The following MACF1 variants were observed in gnomAD, a reference collection of about 807,000 sequenced individuals.
MACF1 encodes microtubule actin crosslinking factor 1, also known as microtubule-actin cross-linking factor 1.
Under a neutral mutation model 854.8 loss-of-function variants are expected in MACF1, and 193 were observed. The ratio of observed to expected loss-of-function variants is 0.23; its 90% CI spans 0.20 to 0.25. MACF1 has a LOEUF of 0.25. Ranked by LOEUF, MACF1 falls within the 10% of genes least tolerant of loss-of-function variation. The pLI is 1.00. For missense variants in MACF1, 7,722 were observed against 8,929.1 expected, an observed-to-expected ratio of 0.86 and a Z score of 5.45; for synonymous variants, 3,185 against 3,226.7, an observed-to-expected ratio of 0.99 and a Z score of 0.44.
intron 2 of MACF1, among the ~76,000 whole-genome samples, chr1:39,119,584 T>C (rs574978330): frequency 1.3e-5 from 2 of 152,124 alleles, no homozygotes; most frequent in Non-Finnish European, 2.9e-5. Flanking sequence ...TTTCTTAGTG[T>C]TTTCAGCAAC....
chr1:39,179,664 C>T (rs532400211), intron 2 of MACF1, among the ~76,000 whole-genome samples: 14 of 152,026 alleles, frequency 9.2e-5, no homozygotes, highest in South Asian at 4.1e-4. Flanking sequence ...TAGACTGTCT[C>T]GGTTAGCCTT....
Position 39,331,300 on chromosome 1 carries a change from G to A in MACF1, c.4712G>A (p.Gly1571Asp), listed in dbSNP as rs768876553. 1.9e-6 allele frequency: 3 copies of A among 1,612,426 alleles called. No individual in the cohort carries two copies. The highest frequency in any genetic ancestry group is 1.1e-5 in the South Asian group (1 of 91,036). The change falls in exon 37 of 101, where the codon GGC becomes GAC. Residue 1571 changes from glycine to aspartate, a missense_variant. Coordinates refer to ENST00000564288, the MANE Select transcript of MACF1 (RefSeq NM_001394062.1). ...MQKGLLDQDTGLVLLESQVIM... is the reference protein window; with the variant it reads ...MQKGLLDQDTDLVLLESQVIM... ...AAGGGCCTCCTTGACCAAGACACAGGCCTAGTGCTTCTGGAATCTCAGGTT... is the reference window on the plus strand; with the variant it reads ...AAGGGCCTCCTTGACCAAGACACAGACCTAGTGCTTCTGGAATCTCAGGTT...
intron 58 of MACF1, 44 bp from the exon 59 acceptor site, chr1:39,422,330 T>G: frequency 6.4e-7 from 1 of 1,559,004 alleles, no homozygotes; most frequent in Non-Finnish European, 8.8e-7. Flanking sequence ...ATAGAGAGTC[T>G]AATAGCCTTT....
upstream of MACF1, among the ~76,000 whole-genome samples, chr1:39,202,156 T>C (rs1035914552): frequency 2.0e-5 from 3 of 148,472 alleles, no homozygotes; most frequent in Non-Finnish European, 4.5e-5. Context: ...TTAGTAGAGA[T>C]GGGGTTTCAC....
intron 84 of MACF1, among the ~76,000 whole-genome samples, chr1:39,450,702 C>T (rs1431669899): frequency 6.7e-6 from 1 of 148,868 alleles, no homozygotes; most frequent in African/African-American, 2.5e-5. Context: ...AGCTCTGCCT[C>T]CCGGGTTCGC....
intron 6 of MACF1, 28 bp downstream of exon 6, chr1:39,258,056 G>C (rs375040242): frequency 8.1e-5 from 128 of 1,583,868 alleles, no homozygotes; most frequent in Admixed American, 1.0e-4. Flanking sequence ...TGGAATTCCT[G>C]TTGCTTTGTT....
chr1:39,316,094 T>C (rs1646407108), intron 27 of MACF1, among the ~76,000 whole-genome samples: 1 of 152,176 alleles, frequency 6.6e-6, no homozygotes, highest in Non-Finnish European at 1.5e-5. Flanking sequence ...CCTTGAAGAG[T>C]AGCGCATCTT....
At chr1:39,102,535 G>T (rs1397556605) in intron 2 of MACF1, among the ~76,000 whole-genome samples, 2 of 152,188 alleles carry the variant, frequency 1.3e-5, no homozygotes, top group African/African-American at 4.8e-5. Flanking sequence ...TATAATCTGG[G>T]AGGAAAGTCG....
intron 23 of MACF1, chr1:39,304,923 AT>A (rs797006883): frequency 0.012 from 1,660 of 144,226 alleles, 22 homozygotes; most frequent in African/African-American, 0.034. Flanking sequence ...CAGACTCTGA[AT>A]TTTTTTTTTT....
intron 56 of MACF1, among the ~76,000 whole-genome samples, chr1:39,382,790 C>CAA (rs1299926595): frequency 2.0e-5 from 3 of 151,882 alleles, no homozygotes; most frequent in Admixed American, 2.0e-4. Flanking sequence ...GATCAAACCT[C>CAA]AAAAAAATTG....
Position 39,385,270 on chromosome 1 carries a change from G to A in MACF1, c.13849-164G>A, listed in dbSNP as rs536698200. On this transcript the variant is annotated intron_variant, in intron 56 of 100. Coordinates refer to ENST00000564288, the MANE Select transcript of MACF1 (RefSeq NM_001394062.1). The stretch of plus-strand genomic sequence containing the variant: ...TTTAGTAGAGACGGGGTTTCGCCAC[G>A]TTGGCCAGGCTAGTCTTGAACTCCT... Among the ~76,000 whole-genome samples, 11 of 152,186 alleles carry A rather than the reference G, an allele frequency of 7.2e-5. 1 individual carries two copies. Among genetic ancestry groups the A allele is most frequent in the African/African-American group, 1.7e-4 (7 of 41,502 alleles).
chr1:39,131,374 A>G (rs1019188216), intron 2 of MACF1, among the ~76,000 whole-genome samples: 1 of 147,466 alleles, frequency 6.8e-6, no homozygotes, highest in Admixed American at 6.8e-5. Context: ...GGGTCTCACT[A>G]TGTTGCCAAG....
At chr1:39,202,257 C>T (rs1179868932), upstream of MACF1, among the ~76,000 whole-genome samples, 16 of 150,624 alleles carry the variant, frequency 1.1e-4, no homozygotes, top group Admixed American at 2.6e-4. Flanking sequence ...TGAGCCACCA[C>T]GCCCGGCCTC....
chr1:39,251,770 A>G (rs2148334521), intron 3 of MACF1, 76 bp from the exon 4 acceptor site: 2 of 795,054 alleles, frequency 2.5e-6, no homozygotes, highest in Non-Finnish European at 3.5e-6. Flanking sequence ...TAAGTGTTGC[A>G]TTCATTTCCT....
At chr1:39,446,656 C>T (rs192779466) in intron 80 of MACF1, among the ~76,000 whole-genome samples, 111 of 152,200 alleles carry the variant, frequency 7.3e-4, no homozygotes, top group Non-Finnish European at 1.3e-3. Context: ...TTTTTGTCAG[C>T]CTGTCATTTT....
At position 39,411,722 on chromosome 1, in the gene MACF1, T is replaced by C. The variant is rs755605494; in HGVS notation, c.15817-10652T>C. On this transcript the variant is annotated intron_variant, in intron 58 of 100. Coordinates refer to ENST00000564288, the MANE Select transcript of MACF1 (RefSeq NM_001394062.1). Reference sequence around the variant, plus strand: ...GAAGGAGTAACTCCTCTAGTTGAGCTACAGAATCAAATCTCTTCTGAAGGG... The same window carrying C: ...GAAGGAGTAACTCCTCTAGTTGAGCCACAGAATCAAATCTCTTCTGAAGGG... 18 of 1,613,722 alleles carry C rather than the reference T, an allele frequency of 1.1e-5. No individual in the cohort carries two copies. In the African/African-American group the frequency reaches 2.3e-4, roughly 20 times the overall value.
chr1:39,241,041 C>T (rs1459467521), intron 2 of MACF1, among the ~76,000 whole-genome samples: 4 of 149,988 alleles, frequency 2.7e-5, no homozygotes, highest in African/African-American at 9.9e-5. Flanking sequence ...TCTAGGACAA[C>T]TATAATCTGT....
At chr1:39,173,302 TG>T (rs1439989167) in intron 2 of MACF1, among the ~76,000 whole-genome samples, 9 of 138,014 alleles carry the variant, frequency 6.5e-5, no homozygotes, top group African/African-American at 2.5e-4. Context: ...ATTGCACCAC[TG>T]AACTCCAGCC....
intron 2 of MACF1, among the ~76,000 whole-genome samples, chr1:39,140,579 A>G (rs1325121525): frequency 6.6e-6 from 1 of 152,198 alleles, no homozygotes; most frequent in African/African-American, 2.4e-5. Context: ...TAATTGTAAA[A>G]TGGATCAAAG....
Sources: allele counts gnomAD v4.1 joint callset (sites outside exome capture counted in the v4.1 genomes callset), GRCh38; gene constraint gnomAD v4.1.1; transcripts MANE v1.5; gene names NCBI Gene and HGNC (gene_info 2026-07-23, HGNC 2026-07-21).